The following NLGN1 variants were observed in gnomAD, a reference collection of about 807,000 sequenced individuals.
The protein encoded by NLGN1 is neuroligin 1, also known as neuroligin-1.
In NLGN1, 12 loss-of-function variants were observed where a neutral mutation model predicts 65.5. The ratio of observed to expected loss-of-function variants is 0.18; its 90% confidence interval spans 0.12 to 0.30. The LOEUF is 0.30. Among genes scored for constraint, NLGN1 ranks in the 10% least tolerant of loss-of-function variants. NLGN1 has a pLI of 1.00. For missense variants in NLGN1, 750 were observed against 1,007.1 expected, an observed-to-expected ratio of 0.74 and a Z score of 3.46; for synonymous variants, 350 against 359.5, an observed-to-expected ratio of 0.97 and a Z score of 0.30.
intron 3 of NLGN1, among the ~76,000 whole-genome samples, chr3:173,731,664 G>C (rs1252806232): frequency 1.3e-5 from 2 of 151,814 alleles, no homozygotes; most frequent in African/African-American, 4.8e-5. Flanking sequence ...AAAACAGCAT[G>C]AGAAACATTT....
intron 2 of NLGN1, among the ~76,000 whole-genome samples, chr3:173,524,287 G>A (rs1356621648): frequency 6.6e-6 from 1 of 151,914 alleles, no homozygotes; most frequent in Non-Finnish European, 1.5e-5. Flanking sequence ...CACCTCCTTG[G>A]TTAGCTATAT....
chr3:173,964,009 T>A (rs981277952), intron 4 of NLGN1, among the ~76,000 whole-genome samples: 2 of 152,054 alleles, frequency 1.3e-5, no homozygotes, highest in Non-Finnish European at 2.9e-5. Flanking sequence ...CAGGAGTGAA[T>A]GGTAGGTAGG....
At chr3:173,811,624 T>A (rs1236852093) in intron 4 of NLGN1, among the ~76,000 whole-genome samples, 1 of 150,374 alleles carries the variant, frequency 6.7e-6, no homozygotes, top group East Asian at 1.9e-4. Context: ...GGATAAATAC[T>A]TGATGTGTTC....
At chr3:173,691,710 A>C (rs1765485417) in intron 3 of NLGN1, among the ~76,000 whole-genome samples, 1 of 152,036 alleles carries the variant, frequency 6.6e-6, no homozygotes, top group Non-Finnish European at 1.5e-5. Flanking sequence ...TTTTTCTGTC[A>C]GTGGTGTTAT....
chr3:173,686,265 T>C (rs1764666406), intron 3 of NLGN1, among the ~76,000 whole-genome samples: 3 of 151,028 alleles, frequency 2.0e-5, no homozygotes, highest in Non-Finnish European at 4.4e-5. Context: ...CGCAAAGCGC[T>C]TGACTAAAAA....
intron 4 of NLGN1, among the ~76,000 whole-genome samples, chr3:173,840,566 G>A (rs1724585018): frequency 6.6e-6 from 1 of 152,144 alleles, no homozygotes; most frequent in Admixed American, 6.5e-5. Flanking sequence ...GGTTGTACAG[G>A]TAAGCTGAAG....
chr3:173,948,186 G>C (rs1747539764), intron 4 of NLGN1, among the ~76,000 whole-genome samples: 1 of 152,102 alleles, frequency 6.6e-6, no homozygotes, highest in Non-Finnish European at 1.5e-5. Context: ...TTGGCACTGG[G>C]TATGTTAGTT....
intron 4 of NLGN1, among the ~76,000 whole-genome samples, chr3:174,265,501 G>A (rs1359509650): frequency 1.3e-5 from 2 of 152,012 alleles, no homozygotes; most frequent in Non-Finnish European, 2.9e-5. Context: ...GACGCCTTGC[G>A]CTTCCCAAGT....
chr3:174,131,710 G>A (rs1403122361), intron 4 of NLGN1, among the ~76,000 whole-genome samples: 3 of 152,062 alleles, frequency 2.0e-5, no homozygotes, highest in Non-Finnish European at 2.9e-5. Context: ...ACCTTTCAGG[G>A]TGGCTACATG....
chr3:173,899,466 T>G (rs1736937296), intron 4 of NLGN1, among the ~76,000 whole-genome samples: 1 of 151,992 alleles, frequency 6.6e-6, no homozygotes, highest in African/African-American at 2.4e-5. Flanking sequence ...GTTAAATGAG[T>G]CTAGCTAGAT....
chr3:173,511,731 T>C (rs1236914308), intron 2 of NLGN1, among the ~76,000 whole-genome samples: 1 of 148,724 alleles, frequency 6.7e-6, no homozygotes, highest in Non-Finnish European at 1.5e-5. Context: ...AGCTCAGAGA[T>C]TTTTTTCCTC....
chr3:173,406,533 A>G (rs1333896226), intron 1 of NLGN1, among the ~76,000 whole-genome samples: 1 of 148,450 alleles, frequency 6.7e-6, no homozygotes, highest in African/African-American at 2.4e-5. Flanking sequence ...GAATAGATAT[A>G]TATATCAATA....
intron 4 of NLGN1, among the ~76,000 whole-genome samples, chr3:173,850,341 A>G (rs963895330): frequency 6.6e-6 from 1 of 152,186 alleles, no homozygotes; most frequent in Non-Finnish European, 1.5e-5. Context: ...ATTCAATAAC[A>G]TACAATAACT....
chr3:174,143,445 A>G (rs1409699838), intron 4 of NLGN1, among the ~76,000 whole-genome samples: 1 of 152,206 alleles, frequency 6.6e-6, no homozygotes, highest in Non-Finnish European at 1.5e-5. Flanking sequence ...GACAAAGGGC[A>G]TATCTGGTCT....
intron 4 of NLGN1, among the ~76,000 whole-genome samples, chr3:173,861,473 T>G (rs1270718929): frequency 6.6e-6 from 1 of 151,450 alleles, no homozygotes; most frequent in African/African-American, 2.4e-5. Flanking sequence ...TACTGATAAG[T>G]TAATAGATAT....
chr3:173,634,432 C>G (rs997440520), intron 3 of NLGN1, among the ~76,000 whole-genome samples: 2 of 151,958 alleles, frequency 1.3e-5, no homozygotes, highest in African/African-American at 4.8e-5. Flanking sequence ...TTGCATATTT[C>G]AAATACTTAT....
At chr3:173,445,183 G>A (rs1283609505) in intron 2 of NLGN1, among the ~76,000 whole-genome samples, 1 of 148,108 alleles carries the variant, frequency 6.8e-6, no homozygotes, top group Non-Finnish European at 1.5e-5. Context: ...CAGGAGAATG[G>A]CGTGAACCCG....
At chr3:174,159,301 T>G (rs1726058697) in intron 4 of NLGN1, among the ~76,000 whole-genome samples, 1 of 151,756 alleles carries the variant, frequency 6.6e-6, no homozygotes, top group Non-Finnish European at 1.5e-5. Context: ...GGTCCATTTT[T>G]CAAGTGTTAC....
At chr3:173,549,933 A>G (rs183320019) in intron 2 of NLGN1, among the ~76,000 whole-genome samples, 2 of 152,196 alleles carry the variant, frequency 1.3e-5, no homozygotes, top group Admixed American at 1.3e-4. Flanking sequence ...CTTATCTTCT[A>G]CTTCAGTGAT....
Sources: gnomAD v4.1 joint callset for allele counts (sites outside exome capture counted in the v4.1 genomes callset) on GRCh38, gnomAD v4.1.1 for gene constraint, MANE v1.5 for transcripts, NCBI Gene and HGNC (gene_info 2026-07-23, HGNC 2026-07-21) for gene names.